The following RREB1 variants were observed in gnomAD, a reference collection of about 807,000 sequenced individuals.
RREB1 encodes the protein ras-responsive element-binding protein 1.
A neutral mutation model predicts 117.8 loss-of-function variants in RREB1; 27 were observed. The ratio of observed to expected loss-of-function variants is 0.23; its 90% CI spans 0.17 to 0.32. RREB1 has a LOEUF of 0.32. Among genes scored for constraint, RREB1 ranks in the 10% least tolerant of loss-of-function variants. The probability of loss-of-function intolerance (pLI) is 1.00; values close to 1 mark genes in which losing one functional copy is unlikely to be tolerated. For synonymous variants in RREB1, 1,298 were observed against 1,026.7 expected, an observed-to-expected ratio of 1.26 and a Z score of -5.05; for missense variants, 2,577 against 2,378.2, an observed-to-expected ratio of 1.08 and a Z score of -1.74.
chr6:7,159,785 A>G (rs1554119172), intron 1 of RREB1, among the ~76,000 whole-genome samples: 2 of 152,216 alleles, frequency 1.3e-5, no homozygotes, highest in Non-Finnish European at 1.5e-5. Flanking sequence ...GGGTCAGACC[A>G]CTGCCGTAGT....
chr6:7,129,694 T>G (rs1452342578), intron 1 of RREB1, among the ~76,000 whole-genome samples: 1 of 152,224 alleles, frequency 6.6e-6, no homozygotes, highest in Admixed American at 6.5e-5. Flanking sequence ...GACTTTGTGG[T>G]TACCAATTCC....
intron 1 of RREB1, among the ~76,000 whole-genome samples, chr6:7,129,719 C>T (rs1418189346): frequency 1.3e-5 from 2 of 152,216 alleles, no homozygotes; most frequent in East Asian, 1.9e-4. Flanking sequence ...GAGCCACCTT[C>T]GAGAGGGGTA....
intron 1 of RREB1, among the ~76,000 whole-genome samples, chr6:7,158,448 G>A (rs961922853): frequency 6.6e-6 from 1 of 152,036 alleles, no homozygotes; most frequent in Non-Finnish European, 1.5e-5. Context: ...CCCACCTCCT[G>A]TAATTTGCCC....
At chr6:7,140,788 T>C (rs1278467261) in intron 1 of RREB1, 1 of 152,244 alleles carries the variant, frequency 6.6e-6, no homozygotes, top group Non-Finnish European at 1.5e-5. Flanking sequence ...AACTTGAAAG[T>C]GGACTTGGTC....
At chr6:7,126,124 C>T (rs1035564883) in intron 1 of RREB1, among the ~76,000 whole-genome samples, 1 of 152,126 alleles carries the variant, frequency 6.6e-6, no homozygotes, top group Non-Finnish European at 1.5e-5. Context: ...GCCTCAGCCT[C>T]CTGAGTAGCT....
intron 1 of RREB1, among the ~76,000 whole-genome samples, chr6:7,126,083 C>G (rs1351835963): frequency 6.6e-6 from 1 of 152,152 alleles, no homozygotes; most frequent in Non-Finnish European, 1.5e-5. Context: ...CTCACTGCAA[C>G]CTCCGCCTCC....
At position 7,248,591 on chromosome 6, in the gene RREB1, C is replaced by A; in HGVS notation, c.4852C>A (p.Gln1618Lys). Residue 1618 changes from glutamine (Q) to lysine (K), a missense_variant, in exon 13 of 13, where the codon CAG becomes AAG. By Grantham distance (53) the Gln-to-Lys change is moderately conservative. Transcript: ENST00000379938. ...HSLVRHQRIH[Q>K]KARHAKHHGK... ...CCTGGTTCGCCACCAGCGGATCCAC[C>A]AGAAAGCCAGGCATGCCAAACACCA... The A allele has an allele frequency of 2.5e-6, 4 of 1,614,258 alleles. No homozygotes were observed. The highest frequency in any genetic ancestry group is 3.4e-6 in the Non-Finnish European group (4 of 1,180,052).
At chr6:7,204,980 TG>T (rs1311659846) in intron 6 of RREB1, among the ~76,000 whole-genome samples, 3 of 152,234 alleles carry the variant, frequency 2.0e-5, no homozygotes, top group African/African-American at 7.2e-5. Flanking sequence ...CCCAACTTTT[TG>T]GTTAAGCATT....
At position 7,211,541 on chromosome 6, in the gene RREB1, T is replaced by G. The variant is rs370740083; in HGVS notation, c.571-32T>G. Reference sequence around the variant, plus strand: ...CCGAAGCCATCCCATGTGGGAGACCTTCATGACTTCACTTTTTTCCTTTTC... The same window carrying G: ...CCGAAGCCATCCCATGTGGGAGACCGTCATGACTTCACTTTTTTCCTTTTC... On this transcript the variant is annotated intron_variant, in intron 7 of 12. Transcript: ENST00000379938. The G allele has an allele frequency of 3.1e-6, 5 of 1,611,246 alleles. No individual in the cohort carries two copies. In the African/African-American group the frequency reaches 5.3e-5, roughly 17 times the overall value.
At chr6:7,133,972 C>T (rs1266759031) in intron 1 of RREB1, among the ~76,000 whole-genome samples, 1 of 151,958 alleles carries the variant, frequency 6.6e-6, no homozygotes, top group Non-Finnish European at 1.5e-5. Flanking sequence ...TATGACAAGT[C>T]TTTTTTGGTG....
rs913850047 is a variant in RREB1, at chr6:7,181,118, T to C, written c.-165-6T>C. On this transcript the variant is annotated splice_region_variant and splice_polypyrimidine_tract_variant and intron_variant, in intron 2 of 12. Coordinates refer to ENST00000379938, the MANE Select transcript of RREB1 (RefSeq NM_001003699.4). Reference sequence around the variant, plus strand: ...TGTTCACTTTGGGCCTTTGCTTCCCTTCCAGTGTCAACGAGTACTACCAAG... The same window carrying C: ...TGTTCACTTTGGGCCTTTGCTTCCCCTCCAGTGTCAACGAGTACTACCAAG... The C allele has an allele frequency of 1.3e-5, 5 of 398,362 alleles. No homozygotes were observed. The Admixed American group carries it at 2.2e-4, about 18-fold the overall frequency. 24.7% of individuals were successfully genotyped at this position (398,362 alleles called of 1,614,324 possible). A position where few individuals can be genotyped will look rare whatever the true frequency, so the allele number is the denominator to read the frequency against.
At chr6:7,248,440 C>T in intron 12 of RREB1, 71 bp from the exon 13 acceptor site, 1 of 1,348,252 alleles carries the variant, frequency 7.4e-7, no homozygotes, top group Non-Finnish European at 1.0e-6. Context: ...CTCATTCTTC[C>T]TGTGCAGAGC....
intron 1 of RREB1, among the ~76,000 whole-genome samples, chr6:7,147,450 G>A (rs1762920525): frequency 6.6e-6 from 1 of 152,138 alleles, no homozygotes; most frequent in African/African-American, 2.4e-5. Context: ...CAGGCCACGT[G>A]TGTAGATAAC....
At chr6:7,158,260 G>C (rs988830098) in intron 1 of RREB1, among the ~76,000 whole-genome samples, 5 of 152,002 alleles carry the variant, frequency 3.3e-5, no homozygotes, top group African/African-American at 1.2e-4. Flanking sequence ...TACCCCACCT[G>C]CCTCCCCTTT....
chr6:7,220,150 G>C (rs1255284329), intron 8 of RREB1, among the ~76,000 whole-genome samples: 1 of 152,198 alleles, frequency 6.6e-6, no homozygotes, highest in Non-Finnish European at 1.5e-5. Context: ...TCATACAGGG[G>C]GTGGGGAATG....
chr6:7,207,008 G>C (rs1766312911), intron 6 of RREB1, among the ~76,000 whole-genome samples: 1 of 152,128 alleles, frequency 6.6e-6, no homozygotes, highest in African/African-American at 2.4e-5. Context: ...TTTAAGCAGG[G>C]GAGTGGTATG....
At position 7,246,476 on chromosome 6, in the gene RREB1, C is replaced by T. The variant is rs745778155; in HGVS notation, c.4026C>T (p.Leu1342=). The T allele has an allele frequency of 3.3e-6, 5 of 1,537,934 alleles. No individual in the cohort carries two copies. Among genetic ancestry groups the T allele is most frequent in the Non-Finnish European group, 4.4e-6 (5 of 1,140,700 alleles). Residue 1342 remains leucine, a synonymous_variant, in exon 12 of 13, where the codon CTC becomes CTT. Transcript: ENST00000379938. ...CCGCCGCGGGCGAAGTGCTAGACCT[C>T]ACCTCACGGGACAGAGAGCAGCCGT... ...TAAAAGEVLD[L]TSRDREQPSE...
At chr6:7,246,215 A>C (rs1769007031) in intron 11 of RREB1, among the ~76,000 whole-genome samples, 1 of 152,172 alleles carries the variant, frequency 6.6e-6, no homozygotes, top group Non-Finnish European at 1.5e-5. Context: ...GGTGATGTGG[A>C]GGCTGCTTTT....
At chr6:7,245,403 A>G (rs1768944898) in intron 11 of RREB1, among the ~76,000 whole-genome samples, 1 of 152,218 alleles carries the variant, frequency 6.6e-6, no homozygotes, top group Admixed American at 6.5e-5. Flanking sequence ...TTGAAAAAAT[A>G]ATAAAAACTA....
Sources: allele counts gnomAD v4.1 joint callset (sites outside exome capture counted in the v4.1 genomes callset), GRCh38; gene constraint gnomAD v4.1.1; transcripts MANE v1.5; gene names NCBI Gene and HGNC (gene_info 2026-07-23, HGNC 2026-07-21).